Variants in OR51B5 observed in about 807,000 individuals in gnomAD.
OR51B5 encodes olfactory receptor family 51 subfamily B member 5.
For synonymous variants in OR51B5, 186 were observed against 144.8 expected, an observed-to-expected ratio of 1.28 and a Z score of -2.04; for missense variants, 456 against 374.6, an observed-to-expected ratio of 1.22 and a Z score of -1.79.
At chr11:5,377,744 C>A (rs1357984697) in intron 1 of OR51B5, among the ~76,000 whole-genome samples, 6 of 151,256 alleles carry the variant, frequency 4.0e-5, no homozygotes, top group Non-Finnish European at 7.4e-5. Flanking sequence ...CCTAGGAATC[C>A]AACTTACAAG....
At chr11:5,356,631 C>G (rs1024315594) in intron 1 of OR51B5, among the ~76,000 whole-genome samples, 1 of 130,234 alleles carries the variant, frequency 7.7e-6, no homozygotes, top group Non-Finnish European at 1.7e-5. Flanking sequence ...GAGAACGCCA[C>G]AAAGATACTC....
intron 1 of OR51B5, chr11:5,431,013 G>A (rs771880565): frequency 2.2e-6 from 1 of 456,990 alleles, no homozygotes; most frequent in Admixed American, 2.3e-5. Flanking sequence ...CCAGGATGCT[G>A]TTGAGTTTAG....
intron 1 of OR51B5, among the ~76,000 whole-genome samples, chr11:5,371,795 A>G (rs1261597946): frequency 2.0e-5 from 3 of 152,070 alleles, no homozygotes; most frequent in African/African-American, 7.2e-5. Flanking sequence ...TGTCATAACA[A>G]ATGTTTAGTT....
intron 1 of OR51B5, among the ~76,000 whole-genome samples, chr11:5,380,734 G>C (rs1849595771): frequency 6.6e-6 from 1 of 152,150 alleles, no homozygotes; most frequent in Non-Finnish European, 1.5e-5. Context: ...GTAAGATGTA[G>C]ATATGTCTAT....
In OR51B5 at chr11:5,423,014, C is replaced by A. The variant is rs771453975; in HGVS notation, n.85-76104G>T. The A allele has an allele frequency of 2.5e-6, 4 of 1,614,052 alleles. No individual in the cohort carries two copies. The African/African-American group carries it at 5.3e-5, about 22-fold the overall frequency. The stretch of plus-strand genomic sequence containing the variant: ...TCATCGCTTTGCCAAGCATGCCTCT[C>A]CACTGGTCCATGTTATCATGGCCAA... On this transcript the variant is annotated intron_variant and non_coding_transcript_variant, in intron 1 of 4. Coordinates refer to the OR51B5 transcript ENST00000415970.
chr11:5,481,968 C>T (rs1220921148), intron 1 of OR51B5, among the ~76,000 whole-genome samples: 3 of 121,798 alleles, frequency 2.5e-5, no homozygotes, highest in Non-Finnish European at 4.9e-5. Context: ...TCCCATCAAG[C>T]TACCAATGAC....
At chr11:5,350,416 G>A (rs1564915353) in intron 1 of OR51B5, among the ~76,000 whole-genome samples, 3 of 152,122 alleles carry the variant, frequency 2.0e-5, no homozygotes, top group Non-Finnish European at 4.4e-5. Context: ...TATATGAGAT[G>A]TATAGTCCAA....
intron 1 of OR51B5, among the ~76,000 whole-genome samples, chr11:5,355,841 GAT>G (rs1849185706): frequency 6.6e-6 from 1 of 152,006 alleles, no homozygotes; most frequent in African/African-American, 2.4e-5. Context: ...GCCCTGCTCT[GAT>G]TCCTGTAGTG....
At position 5,390,267 on chromosome 11, in the gene OR51B5, A is replaced by G. The variant is rs775789699; in HGVS notation, n.85-43357T>C. 4.0e-5 allele frequency: 64 copies of G among 1,613,868 alleles called. No homozygotes were observed. The highest frequency in any genetic ancestry group is 2.1e-4 in the South Asian group (19 of 91,090). ...CCTGCTATTCATCTTCTTATGGCCA[A>G]TGTCTACCTTTTTGTGCCTCCCATG... is the stretch of plus-strand genomic sequence containing the variant. On this transcript the variant is annotated intron_variant and non_coding_transcript_variant, in intron 1 of 4. Transcript: ENST00000415970.
intron 1 of OR51B5, among the ~76,000 whole-genome samples, chr11:5,492,546 G>C (rs1483291816): frequency 6.6e-6 from 1 of 152,068 alleles, no homozygotes; most frequent in African/African-American, 2.4e-5. Flanking sequence ...CTTTCTCTGT[G>C]TAAAGGCAAG....
chr11:5,432,933 G>A (rs1376719561), intron 1 of OR51B5, among the ~76,000 whole-genome samples: 1 of 152,150 alleles, frequency 6.6e-6, no homozygotes, highest in Non-Finnish European at 1.5e-5. Flanking sequence ...TAGAAGGGAA[G>A]AACCCCTAGT....
chr11:5,454,450 C>G lies in OR51B5; in HGVS notation n.84+51119G>C, dbSNP rs367852409. On this transcript the variant is annotated intron_variant and non_coding_transcript_variant, in intron 1 of 4. Transcript: ENST00000415970. ...TGACTTTCACACTTGGCTTTAGAAT[C>G]TGTTATTTTGGCCATAGGCTCTCAT... 3.2e-6 allele frequency: 5 copies of G among 1,574,786 alleles called. No individual in the cohort carries two copies. In the African/African-American group the frequency reaches 6.7e-5, roughly 21 times the overall value.
intron 1 of OR51B5, among the ~76,000 whole-genome samples, chr11:5,396,409 A>C (rs1334575928): frequency 6.6e-6 from 1 of 152,256 alleles, no homozygotes; most frequent in African/African-American, 2.4e-5. Context: ...AATCACAAGC[A>C]TTCTTATACA....
intron 1 of OR51B5, among the ~76,000 whole-genome samples, chr11:5,434,786 A>G (rs1286430869): frequency 6.6e-6 from 1 of 152,208 alleles, no homozygotes; most frequent in Non-Finnish European, 1.5e-5. Context: ...CATAACAGCC[A>G]TATCAAGTGA....
upstream of OR51B5, among the ~76,000 whole-genome samples, chr11:5,344,876 G>A (rs1848965972): frequency 6.6e-6 from 1 of 152,100 alleles, no homozygotes; most frequent in South Asian, 2.1e-4. Flanking sequence ...TAGATTAATT[G>A]GATGGTATTG....
In OR51B5 at chr11:5,491,276, C is replaced by T. The variant is rs1375707607; in HGVS notation, n.84+14293G>A. On this transcript the variant is annotated intron_variant and non_coding_transcript_variant, in intron 1 of 4. Transcript: ENST00000415970. ...ACAGTCACATCCACAAGAATCATGA[C>T]GAAGAGTATTTTTACCTAGAAAAGC... is the stretch of plus-strand genomic sequence containing the variant. 5.3e-5 allele frequency among the ~76,000 whole-genome samples: 8 copies of T among 152,130 alleles called. No homozygotes were observed. The South Asian group carries it at 6.2e-4, about 12-fold the overall frequency.
chr11:5,371,584 G>A (rs189347720), intron 1 of OR51B5, among the ~76,000 whole-genome samples: 1 of 152,010 alleles, frequency 6.6e-6, no homozygotes, highest in East Asian at 1.9e-4. Context: ...TAAACAATTA[G>A]GAAACAGAAA....
intron 1 of OR51B5, among the ~76,000 whole-genome samples, chr11:5,465,288 T>C (rs1851122993): frequency 6.6e-6 from 1 of 151,236 alleles, no homozygotes; most frequent in Non-Finnish European, 1.5e-5. Context: ...TTTTTAATGA[T>C]TGCCATTCTA....
rs546809939 is a variant in OR51B5, at chr11:5,475,471, G to A, written n.84+30098C>T. On this transcript the variant is annotated intron_variant and non_coding_transcript_variant, in intron 1 of 4. Transcript: ENST00000415970. ...TCCCCATGCACTTTCCCTTCACTGG[G>A]CTAGTTATTTATCCACCAACTCTTG... is the stretch of plus-strand genomic sequence containing the variant. Among the ~76,000 whole-genome samples, 3 of 152,034 alleles carry A rather than the reference G, an allele frequency of 2.0e-5. No individual in the cohort carries two copies. The East Asian group carries it at 5.8e-4, about 29-fold the overall frequency.
Sources: gnomAD v4.1 joint callset for allele counts (sites outside exome capture counted in the v4.1 genomes callset) on GRCh38, gnomAD v4.1.1 for gene constraint, MANE v1.5 for transcripts, NCBI Gene and HGNC (gene_info 2026-07-23, HGNC 2026-07-21) for gene names.